Variants in ATP5MK observed in about 807,000 individuals in gnomAD.
The protein encoded by ATP5MK is ATP synthase membrane subunit k, also known as ATP synthase F(0) complex subunit k, mitochondrial.
In ATP5MK, 5 loss-of-function variants were observed where a neutral mutation model predicts 6.6. The observed-to-expected ratio is 0.76, with a 90% CI of 0.40 to 1.60. ATP5MK has a LOEUF of 1.60. ATP5MK is among the 40% of genes most tolerant of loss of function. The probability of loss-of-function intolerance (pLI) is 0.02; values close to 1 mark genes in which losing one functional copy is unlikely to be tolerated. For missense variants in ATP5MK, 57 were observed against 66.6 expected (o/e 0.86, Z 0.50); for synonymous variants, 30 against 24.5 (o/e 1.22, Z -0.66).
In ATP5MK at chr10:103,392,477, AAG is replaced by A; in HGVS notation, c.-9-13_-9-12del. The A allele has an allele frequency of 5.8e-6, 9 of 1,561,056 alleles. No homozygotes were observed. The highest frequency in any genetic ancestry group is 7.8e-6 in the Non-Finnish European group (9 of 1,153,800). On this transcript the variant is annotated splice_polypyrimidine_tract_variant and intron_variant, in intron 2 of 4. Coordinates refer to ENST00000369815, the MANE Select transcript of ATP5MK (RefSeq NM_001206427.2). Reference sequence around the variant, plus strand: ...TGCCATGATTTCAATCTTTTAAAAAAAGAAAGAAAGCAACATTAAATTGGTTT... The same window carrying A: ...TGCCATGATTTCAATCTTTTAAAAAAAAAGAAAGCAACATTAAATTGGTTT...
intron 2 of ATP5MK, among the ~76,000 whole-genome samples, chr10:103,393,567 G>A (rs779029305): frequency 2.7e-5 from 4 of 149,570 alleles, no homozygotes; most frequent in Non-Finnish European, 5.9e-5. Context: ...GCGACAGAGC[G>A]AGACGCCGTC....
chr10:103,390,096 T>C (rs2093409606), intron 4 of ATP5MK, among the ~76,000 whole-genome samples: 1 of 152,120 alleles, frequency 6.6e-6, no homozygotes, highest in South Asian at 2.1e-4. Flanking sequence ...ATATAAAAAA[T>C]TGGGCAAAAT....
chr10:103,391,247 T>C (rs950037406), intron 4 of ATP5MK, among the ~76,000 whole-genome samples: 5 of 152,164 alleles, frequency 3.3e-5, no homozygotes, highest in African/African-American at 1.2e-4. Flanking sequence ...ACCTCATAAT[T>C]GGGAAAGCAC....
intron 2 of ATP5MK, chr10:103,394,348 C>CCGGTCGAGATTGGTACA (rs1309634229): frequency 3.8e-6 from 2 of 532,530 alleles, no homozygotes; most frequent in Admixed American, 1.9e-5. Context: ...ACGAGCCGGT[C>CCGGTCGAGATTGGTACA]GAGGTCCGGT....
chr10:103,393,255 C>T (rs963755729), intron 2 of ATP5MK, among the ~76,000 whole-genome samples: 6 of 152,026 alleles, frequency 3.9e-5, no homozygotes, highest in African/African-American at 1.2e-4. Context: ...TGTGAGAAAA[C>T]TAAGAATTCT....
chr10:103,392,316 G>C (rs2093416958), intron 3 of ATP5MK, 33 bp from the exon 4 acceptor site: 3 of 1,597,866 alleles, frequency 1.9e-6, no homozygotes, highest in Admixed American at 3.5e-5. Flanking sequence ...AACAAGACTT[G>C]TTGTTCCATC....
At chr10:103,394,490 A>G in intron 2 of ATP5MK, 1 of 371,040 alleles carries the variant, frequency 2.7e-6, no homozygotes, top group East Asian at 6.7e-5. Context: ...ATTCTTGTGT[A>G]AAGAATTGGC....
chr10:103,389,331 T>A (rs760606281), intron 4 of ATP5MK, among the ~76,000 whole-genome samples, 165 bp from the exon 5 acceptor site: 1 of 152,140 alleles, frequency 6.6e-6, no homozygotes, highest in Admixed American at 6.5e-5. Context: ...ATTAATACTT[T>A]TTTTTTTTTG....
intron 2 of ATP5MK, among the ~76,000 whole-genome samples, chr10:103,394,628 T>TC (rs1333514261): frequency 6.6e-6 from 1 of 152,124 alleles, no homozygotes; most frequent in African/African-American, 2.4e-5. Flanking sequence ...TAGGAAAATC[T>TC]CCATTAAAAA....
In ATP5MK at chr10:103,392,176, A is replaced by G. The variant is rs774118596; in HGVS notation, c.*3+15T>C. The stretch of plus-strand genomic sequence containing the variant: ...AAATGGCTAAATTATAAAGGTTTAA[A>G]TGTCAACTTCTTACCATTTATGTTG... On this transcript the variant is annotated intron_variant, in intron 4 of 4. Coordinates refer to ENST00000369815, the MANE Select transcript of ATP5MK (RefSeq NM_001206427.2). The G allele has an allele frequency of 2.5e-6, 4 of 1,590,058 alleles. No individual in the cohort carries two copies. In the South Asian group the frequency reaches 3.4e-5, roughly 14 times the overall value.
intron 2 of ATP5MK, among the ~76,000 whole-genome samples, chr10:103,395,533 G>A (rs547708908): frequency 1.3e-5 from 2 of 152,144 alleles, no homozygotes; most frequent in South Asian, 4.1e-4. Flanking sequence ...CTGGACCTCA[G>A]GTGATCTACC....
At chr10:103,390,666 A>G (rs1359283944) in intron 4 of ATP5MK, among the ~76,000 whole-genome samples, 1 of 150,818 alleles carries the variant, frequency 6.6e-6, no homozygotes, top group Non-Finnish European at 1.5e-5. Flanking sequence ...TGGTGTGCAC[A>G]TGTAATCCCA....
At position 103,395,764 on chromosome 10, in the gene ATP5MK, G is replaced by GA. The variant is rs1233788530; in HGVS notation, c.-29dup. 4 of 152,214 alleles carry GA rather than the reference G, an allele frequency of 2.6e-5. No individual in the cohort carries two copies. Among genetic ancestry groups the GA allele is most frequent in the African/African-American group, 9.7e-5 (4 of 41,440 alleles). 9.4% of individuals were successfully genotyped at this position (152,214 alleles called of 1,614,324 possible). On this transcript the variant is annotated 5_prime_UTR_variant, in exon 2 of 5. Coordinates refer to ENST00000369815, the MANE Select transcript of ATP5MK (RefSeq NM_001206427.2). Reference sequence around the variant, plus strand: ...CACCTACCTGGAATGGTGAGATCACGAGGTAAGGAAGGCAAAGATGAGTGA... The same window carrying GA: ...CACCTACCTGGAATGGTGAGATCACGAAGGTAAGGAAGGCAAAGATGAGTGA...
chr10:103,389,882 C>A (rs2093408833), intron 4 of ATP5MK, among the ~76,000 whole-genome samples: 1 of 151,682 alleles, frequency 6.6e-6, no homozygotes, highest in South Asian at 2.1e-4. Context: ...CAGGTGCCTG[C>A]CACCACGCCC....
At chr10:103,390,891 G>A (rs1458990701) in intron 4 of ATP5MK, among the ~76,000 whole-genome samples, 1 of 152,174 alleles carries the variant, frequency 6.6e-6, no homozygotes. Context: ...TATTTAAAGG[G>A]TGGGCAAATG....
intron 2 of ATP5MK, among the ~76,000 whole-genome samples, chr10:103,395,222 C>T (rs1193471453): frequency 6.6e-6 from 1 of 152,108 alleles, no homozygotes; most frequent in Non-Finnish European, 1.5e-5. Flanking sequence ...TAAAGGAACC[C>T]TTGTGTTTAC....
At chr10:103,393,243 T>G (rs1019658318) in intron 2 of ATP5MK, among the ~76,000 whole-genome samples, 3 of 152,190 alleles carry the variant, frequency 2.0e-5, no homozygotes, top group African/African-American at 7.2e-5. Context: ...TAGTATTAAG[T>G]ATGTGAGAAA....
At chr10:103,391,823 T>G (rs2093415364) in intron 4 of ATP5MK, among the ~76,000 whole-genome samples, 1 of 151,810 alleles carries the variant, frequency 6.6e-6, no homozygotes. Context: ...TTCTTTTTTT[T>G]GAGACACGAT....
chr10:103,390,051 G>A (rs1407449793), intron 4 of ATP5MK, among the ~76,000 whole-genome samples: 2 of 152,120 alleles, frequency 1.3e-5, no homozygotes, highest in East Asian at 3.9e-4. Flanking sequence ...TTGTAATGGG[G>A]ATACTACCAC....
Sources: gnomAD v4.1 joint callset for allele counts (sites outside exome capture counted in the v4.1 genomes callset) on GRCh38, gnomAD v4.1.1 for gene constraint, MANE v1.5 for transcripts, NCBI Gene and HGNC (gene_info 2026-07-23, HGNC 2026-07-21) for gene names.